PTPRT: variants seen among roughly 807,000 people sequenced by gnomAD.
PTPRT encodes protein tyrosine phosphatase receptor type T.
PTPRT carries 56 observed loss-of-function variants against 176.8 expected under a neutral mutation model. The ratio of observed to expected loss-of-function variants is 0.32; its 90% confidence interval spans 0.26 to 0.40. PTPRT has a LOEUF of 0.40. PTPRT is among the 10% of genes least tolerant of loss of function. The pLI, the probability that PTPRT is intolerant of heterozygous loss-of-function variation, is 1.00. For synonymous variants in PTPRT, 783 were observed against 739.0 expected, an observed-to-expected ratio of 1.06 and a Z score of -0.96; for missense variants, 1,540 against 1,908.2, an observed-to-expected ratio of 0.81 and a Z score of 3.60.
intron 11 of PTPRT, 23 bp downstream of exon 11, chr20:42,350,605 T>G (rs1298576495): frequency 6.4e-7 from 1 of 1,552,206 alleles, no homozygotes; most frequent in African/African-American, 1.4e-5. Flanking sequence ...AACTGCAGAC[T>G]CCAAGTGAAG....
At chr20:42,272,910 G>C (rs1020457241) in intron 13 of PTPRT, among the ~76,000 whole-genome samples, 18 of 152,154 alleles carry the variant, frequency 1.2e-4, no homozygotes, top group Admixed American at 4.6e-4. Flanking sequence ...TGGCTTGAAG[G>C]CTTTCTTGAC....
At chr20:42,071,193 C>A (rs964441603), downstream of PTPRT, among the ~76,000 whole-genome samples, 2 of 152,162 alleles carry the variant, frequency 1.3e-5, no homozygotes, top group Non-Finnish European at 1.5e-5. Flanking sequence ...GCGCTCCACC[C>A]CTGCGGCTTG....
At chr20:42,528,402 A>G (rs2072316734) in intron 7 of PTPRT, among the ~76,000 whole-genome samples, 1 of 151,038 alleles carries the variant, frequency 6.6e-6, no homozygotes, top group South Asian at 2.1e-4. Flanking sequence ...ATGTGTGGTT[A>G]GATGAATGGA....
intron 21 of PTPRT, 65 bp from the exon 22 acceptor site, chr20:42,115,380 G>C (rs1477063813): frequency 1.1e-5 from 14 of 1,223,916 alleles, no homozygotes; most frequent in Admixed American, 1.7e-5. Context: ...GCACATGGCT[G>C]AGTGTGAGCA....
chr20:42,444,094 C>T (rs1420868306), intron 9 of PTPRT, among the ~76,000 whole-genome samples: 5 of 152,146 alleles, frequency 3.3e-5, no homozygotes, highest in Non-Finnish European at 7.3e-5. Context: ...ATCCCTGGCC[C>T]TACCCACCCT....
intron 1 of PTPRT, among the ~76,000 whole-genome samples, chr20:43,042,177 C>T (rs1382239533): frequency 6.6e-6 from 1 of 152,208 alleles, no homozygotes; most frequent in Admixed American, 6.5e-5. Context: ...CCTCCCTTCA[C>T]CTACTTAGGT....
intron 7 of PTPRT, among the ~76,000 whole-genome samples, chr20:42,517,664 CA>C (rs764124054): frequency 5.3e-5 from 8 of 151,994 alleles, no homozygotes; most frequent in Non-Finnish European, 7.4e-5. Context: ...AACTGCATTT[CA>C]CACATTTTGA....
intron 3 of PTPRT, among the ~76,000 whole-genome samples, chr20:42,789,939 T>A (rs1285420806): frequency 6.6e-6 from 1 of 152,192 alleles, no homozygotes; most frequent in Non-Finnish European, 1.5e-5. Context: ...ACTTGGAGAA[T>A]GTCTAAGAAG....
chr20:42,168,960 T>C lies in PTPRT; in HGVS notation c.2492-7418A>G, dbSNP rs142853165. Among the ~76,000 whole-genome samples the C allele has an allele frequency of 1.2e-3, 188 of 152,182 alleles. 2 individuals are homozygous for C. The highest frequency in any genetic ancestry group is 1.6e-3 in the Non-Finnish European group (106 of 68,018). On this transcript the variant is annotated intron_variant, in intron 16 of 30. Transcript: ENST00000373187. ...AGGGTTGAACTTGTAGAACTAATAG[T>C]AATAGAATGCCACTCCACTGTGCCA... is the stretch of plus-strand genomic sequence containing the variant.
At chr20:42,859,696 G>T in intron 2 of PTPRT, among the ~76,000 whole-genome samples, 1 of 149,192 alleles carries the variant, frequency 6.7e-6, no homozygotes, top group East Asian at 2.0e-4. Context: ...CCATTCTCCT[G>T]CCTCAGCCTC....
chr20:42,346,185 T>A (rs772078305), intron 11 of PTPRT, among the ~76,000 whole-genome samples: 2 of 151,992 alleles, frequency 1.3e-5, no homozygotes, highest in African/African-American at 4.8e-5. Context: ...CCATGACTAA[T>A]TAGATGGGAA....
At chr20:42,249,985 A>T (rs140158789) in intron 13 of PTPRT, among the ~76,000 whole-genome samples, 1 of 152,194 alleles carries the variant, frequency 6.6e-6, no homozygotes, top group East Asian at 1.9e-4. Context: ...TTCCTAACTC[A>T]TTCCTTCTTT....
intron 1 of PTPRT, among the ~76,000 whole-genome samples, chr20:43,097,230 T>C (rs2012208724): frequency 6.6e-6 from 1 of 152,122 alleles, no homozygotes; most frequent in African/African-American, 2.4e-5. Context: ...TCAGAGAAAC[T>C]CATGCTCAAA....
intron 11 of PTPRT, among the ~76,000 whole-genome samples, chr20:42,348,194 C>T (rs570719312): frequency 2.8e-4 from 43 of 152,192 alleles, no homozygotes; most frequent in Admixed American, 6.5e-4. Flanking sequence ...TCCTGAAATT[C>T]GTGCTGGGTG....
chr20:42,253,924 T>C (rs1159114961), intron 13 of PTPRT, among the ~76,000 whole-genome samples: 1 of 152,146 alleles, frequency 6.6e-6, no homozygotes, highest in Non-Finnish European at 1.5e-5. Context: ...AAGGATCCAG[T>C]CTCCTCCTAG....
chr20:43,076,010 A>C (rs774784049), intron 1 of PTPRT, among the ~76,000 whole-genome samples: 4 of 152,154 alleles, frequency 2.6e-5, no homozygotes, highest in Non-Finnish European at 5.9e-5. Flanking sequence ...AATTTTATCA[A>C]ATTTTTCTAA....
intron 18 of PTPRT, among the ~76,000 whole-genome samples, chr20:42,137,993 A>G (rs1431481758): frequency 2.0e-5 from 3 of 152,352 alleles, no homozygotes; most frequent in Non-Finnish European, 2.9e-5. Flanking sequence ...CCTCTAATCC[A>G]GGAGGCTGAT....
chr20:42,426,447 G>T (rs1220315467), intron 9 of PTPRT, among the ~76,000 whole-genome samples: 4 of 152,062 alleles, frequency 2.6e-5, no homozygotes, highest in Non-Finnish European at 5.9e-5. Context: ...CATCCAACCT[G>T]CTGAGAGCCA....
chr20:42,174,541 A>G (rs1351888707), intron 16 of PTPRT, among the ~76,000 whole-genome samples: 1 of 152,182 alleles, frequency 6.6e-6, no homozygotes, highest in African/African-American at 2.4e-5. Flanking sequence ...TTAAAGGAAA[A>G]CTTGGGCAGG....
Sources: gnomAD v4.1 joint callset for allele counts (sites outside exome capture counted in the v4.1 genomes callset) on GRCh38, gnomAD v4.1.1 for gene constraint, MANE v1.5 for transcripts, NCBI Gene and HGNC (gene_info 2026-07-23, HGNC 2026-07-21) for gene names.